Variants in WAC observed in about 807,000 individuals in gnomAD.
WAC encodes the protein WW domain containing adaptor with coiled-coil.
WAC carries 11 observed loss-of-function variants against 79.6 expected under a neutral mutation model. The ratio of observed to expected loss-of-function variants is 0.14; its 90% CI spans 0.09 to 0.23. The LOEUF (loss-of-function observed/expected upper bound fraction) is 0.23, where lower values mean the gene tolerates loss of function less well. Ranked by LOEUF, WAC falls within the 10% of genes least tolerant of loss-of-function variation. The probability of loss-of-function intolerance (pLI) is 1.00; values close to 1 mark genes in which losing one functional copy is unlikely to be tolerated. For synonymous variants in WAC, 304 were observed against 276.9 expected, an observed-to-expected ratio of 1.10 and a Z score of -0.97; for missense variants, 728 against 773.5, an observed-to-expected ratio of 0.94 and a Z score of 0.70.
chr10:28,610,907 C>G, intron 9 of WAC, 86 bp downstream of exon 9: 1 of 1,337,898 alleles, frequency 7.5e-7, no homozygotes, highest in Non-Finnish European at 9.6e-7. Context: ...TTAGTTTTTT[C>G]TTTCATTTTT....
At chr10:28,607,924 G>T (rs527767468) in intron 7 of WAC, among the ~76,000 whole-genome samples, 2 of 152,302 alleles carry the variant, frequency 1.3e-5, no homozygotes, top group Admixed American at 6.5e-5. Context: ...TCAGATATGG[G>T]TATGATTTAC....
At chr10:28,572,474 G>A (rs909720997) in intron 3 of WAC, among the ~76,000 whole-genome samples, 2 of 152,084 alleles carry the variant, frequency 1.3e-5, no homozygotes, top group Admixed American at 6.6e-5. Flanking sequence ...GAAATAGAGT[G>A]GGAGATAGAG....
intron 3 of WAC, among the ~76,000 whole-genome samples, chr10:28,579,518 T>G (rs1195772463): frequency 6.6e-6 from 1 of 152,186 alleles, no homozygotes; most frequent in Non-Finnish European, 1.5e-5. Flanking sequence ...TAGCCTTAGA[T>G]TCTGTATTAT....
intron 3 of WAC, among the ~76,000 whole-genome samples, chr10:28,571,076 C>T (rs1264415986): frequency 1.4e-5 from 2 of 146,956 alleles, no homozygotes; most frequent in East Asian, 4.1e-4. Flanking sequence ...CCTGCCTTGG[C>T]CTCTTCGAGT....
At chr10:28,554,407 C>A (rs1307046882) in intron 3 of WAC, among the ~76,000 whole-genome samples, 1 of 152,170 alleles carries the variant, frequency 6.6e-6, no homozygotes, top group African/African-American at 2.4e-5. Flanking sequence ...TTGTTTGCTT[C>A]TGTTGCTGTG....
chr10:28,583,426 C>A lies in WAC; in HGVS notation c.302C>A (p.Ser101Ter). 6.3e-7 allele frequency: 1 copy of A among 1,584,336 alleles called. No homozygotes were observed. The highest frequency in any genetic ancestry group is 8.6e-7 in the Non-Finnish European group (1 of 1,168,986). Residue 101 changes from serine (S) to a stop codon, truncating the protein, a stop_gained, in exon 4 of 14, where the codon TCA becomes TAA. Transcript: ENST00000354911. LOFTEE classifies it high-confidence loss of function. ...GGTSYSPQEN[S>*]HNHSALHSSN... Reference sequence around the variant, plus strand: ...ACCAGTTACTCTCCACAAGAAAATTCACACAACCACAGTGCTCTTCATAGT... The same window carrying A: ...ACCAGTTACTCTCCACAAGAAAATTAACACAACCACAGTGCTCTTCATAGT...
intron 3 of WAC, among the ~76,000 whole-genome samples, chr10:28,572,672 G>A (rs539154543): frequency 3.0e-4 from 45 of 151,924 alleles, no homozygotes; most frequent in African/African-American, 8.7e-4. Flanking sequence ...TTAGCCTGGC[G>A]TGGTAGTGGG....
intron 3 of WAC, among the ~76,000 whole-genome samples, chr10:28,558,865 G>A (rs1282276926): frequency 2.0e-5 from 3 of 152,116 alleles, no homozygotes; most frequent in African/African-American, 4.8e-5. Flanking sequence ...GCCCTTAGAG[G>A]TCAAGTATTG....
At chr10:28,601,544 C>G (rs1840648674) in intron 7 of WAC, among the ~76,000 whole-genome samples, 1 of 152,080 alleles carries the variant, frequency 6.6e-6, no homozygotes, top group Non-Finnish European at 1.5e-5. Flanking sequence ...TAGGATCTGG[C>G]AATTCCATTT....
chr10:28,617,976 C>A, intron 13 of WAC, 192 bp downstream of exon 13: 1 of 511,822 alleles, frequency 2.0e-6, no homozygotes, highest in Non-Finnish European at 3.1e-6. Context: ...TCTCTTAACC[C>A]ATGATGAATG....
chr10:28,571,857 C>G (rs1838990540), intron 3 of WAC, among the ~76,000 whole-genome samples: 1 of 152,160 alleles, frequency 6.6e-6, no homozygotes, highest in African/African-American at 2.4e-5. Flanking sequence ...AGGGATAATA[C>G]TCAGTTTTTT....
intron 3 of WAC, among the ~76,000 whole-genome samples, chr10:28,537,352 T>C (rs558383571): frequency 3.3e-5 from 5 of 152,344 alleles, no homozygotes; most frequent in Admixed American, 1.3e-4. Context: ...ATAGTGGATT[T>C]CATTTCTAAT....
chr10:28,605,269 A>G (rs1177249367), intron 7 of WAC, among the ~76,000 whole-genome samples: 7 of 152,150 alleles, frequency 4.6e-5, no homozygotes, highest in Admixed American at 3.3e-4. Flanking sequence ...TCTCCAGTCT[A>G]TTTTTGCATA....
chr10:28,545,817 T>A (rs1395723008), intron 3 of WAC, among the ~76,000 whole-genome samples: 1 of 152,188 alleles, frequency 6.6e-6, no homozygotes, highest in Non-Finnish European at 1.5e-5. Context: ...ATACATTGGG[T>A]AGTATCTGGA....
chr10:28,569,369 G>A (rs1347859982), intron 3 of WAC, among the ~76,000 whole-genome samples: 2 of 152,124 alleles, frequency 1.3e-5, no homozygotes, highest in Admixed American at 6.5e-5. Flanking sequence ...TTAATGCTTT[G>A]TTGGAAATCT....
In WAC at chr10:28,589,727, A is replaced by G; in HGVS notation, c.382-9A>G. The G allele has an allele frequency of 6.5e-7, 1 of 1,546,860 alleles. No homozygotes were observed. The highest frequency in any genetic ancestry group is 8.8e-7 in the Non-Finnish European group (1 of 1,131,152). ...AACATTTTCTAATTGTAAAAAATATATTTTTAAGCCTTATGATTCTGCAGA... is the reference window on the plus strand; with the variant it reads ...AACATTTTCTAATTGTAAAAAATATGTTTTTAAGCCTTATGATTCTGCAGA... On this transcript the variant is annotated splice_polypyrimidine_tract_variant and intron_variant, in intron 4 of 13. Coordinates refer to ENST00000354911, the MANE Select transcript of WAC (RefSeq NM_016628.5).
At chr10:28,540,764 G>A (rs1053079718) in intron 3 of WAC, among the ~76,000 whole-genome samples, 1 of 152,086 alleles carries the variant, frequency 6.6e-6, no homozygotes, top group Non-Finnish European at 1.5e-5. Context: ...ATGCAGAAAT[G>A]TTTGCATTGG....
At chr10:28,562,740 T>A (rs1291386258) in intron 3 of WAC, among the ~76,000 whole-genome samples, 1 of 152,220 alleles carries the variant, frequency 6.6e-6, no homozygotes, top group Non-Finnish European at 1.5e-5. Flanking sequence ...ATATCAGATG[T>A]TGTATAAATT....
chr10:28,598,595 A>T (rs573378978), intron 7 of WAC, among the ~76,000 whole-genome samples: 1 of 152,320 alleles, frequency 6.6e-6, no homozygotes, highest in South Asian at 2.1e-4. Flanking sequence ...CCTTAAAACA[A>T]CACTGGTGAG....
Sources: allele counts gnomAD v4.1 joint callset (sites outside exome capture counted in the v4.1 genomes callset), GRCh38; gene constraint gnomAD v4.1.1; transcripts MANE v1.5; gene names NCBI Gene and HGNC (gene_info 2026-07-23, HGNC 2026-07-21).